The following ADGRE2 variants were observed in gnomAD, a reference collection of about 807,000 sequenced individuals.
The protein encoded by ADGRE2 is adhesion G protein-coupled receptor E2, also known as CD97 antigen.
ADGRE2 carries 83 observed loss-of-function variants against 100.8 expected under a neutral mutation model. The observed-to-expected ratio is 0.82, with a 90% confidence interval of 0.69 to 0.99. ADGRE2 has a LOEUF of 0.99. Among genes scored for constraint, ADGRE2 ranks in the 50% least tolerant of loss-of-function variants. The pLI, the probability that ADGRE2 is intolerant of heterozygous loss-of-function variation, is 0.00. For synonymous variants in ADGRE2, 355 were observed against 413.0 expected (o/e 0.86, Z 1.70); for missense variants, 814 against 1,035.7 (o/e 0.79, Z 2.94).
Position 14,778,343 on chromosome 19 carries a change from A to G in ADGRE2, c.-258T>C. The G allele has an allele frequency of 4.9e-6, 1 of 203,462 alleles. No homozygotes were observed. Among genetic ancestry groups the G allele is most frequent in the Non-Finnish European group, 8.7e-6 (1 of 114,760 alleles). The allele number at this position is 203,462 out of a possible 1,614,324, so 12.6% of individuals were successfully genotyped here. A position where few individuals can be genotyped will look rare whatever the true frequency, so the allele number is the denominator to read the frequency against. On this transcript the variant is annotated 5_prime_UTR_variant, in exon 1 of 21. Transcript: ENST00000315576. ...AGAATCACCCGAGCTGGGGAGTTTG[A>G]GGCTGCGGTGAGCTAAGATGGTGCC...
In ADGRE2 at chr19:14,773,965, T is replaced by A; in HGVS notation, c.172A>T (p.Ile58Phe). 6.2e-7 allele frequency: 1 copy of A among 1,614,074 alleles called. No homozygotes were observed. Among genetic ancestry groups the A allele is most frequent in the Non-Finnish European group, 8.5e-7 (1 of 1,180,022 alleles). Residue 58 changes from isoleucine (I) to phenylalanine (F), a missense_variant, in exon 4 of 21, where the codon ATC becomes TTC. This residue lies in a region of ADGRE2 where 143 missense variants were observed against 160.3 expected (regional missense o/e 0.89). Transcript: ENST00000315576. ...TCACAAGTCTCCATGGGGGTGGTGA[T>A]GATCTCAGAAAAAGAGCTGAACCCT... The part of the protein sequence containing the change: ...NPGFSSFSEI[I>F]TTPMETCDDI...
At chr19:14,766,820 C>T (rs989305532) in intron 6 of ADGRE2, among the ~76,000 whole-genome samples, 158 bp downstream of exon 6, 8 of 152,212 alleles carry the variant, frequency 5.3e-5, no homozygotes, top group Admixed American at 2.6e-4. Context: ...GTGGCGAGTC[C>T]TTCCTGGGAG....
chr19:14,741,841 TG>T, intron 20 of ADGRE2: 1 of 390,896 alleles, frequency 2.6e-6, no homozygotes, highest in East Asian at 3.6e-5. Flanking sequence ...ATCAGTGAAA[TG>T]GGGTTAGAAT....
At chr19:14,771,621 C>CTTAT (rs369899556) in intron 5 of ADGRE2, among the ~76,000 whole-genome samples, 15,324 of 143,440 alleles carry the variant, frequency 0.11, 1,179 homozygotes, top group African/African-American at 0.21. Flanking sequence ...GCATCCATTG[C>CTTAT]TTATTTATTT....
intron 7 of ADGRE2, 190 bp from the exon 8 acceptor site, chr19:14,765,994 G>T: frequency 2.6e-6 from 2 of 762,418 alleles, no homozygotes; most frequent in Non-Finnish European, 4.3e-6. Flanking sequence ...TATGAATATG[G>T]TGAAACGCCT....
chr19:14,765,754 A>G lies in ADGRE2; in HGVS notation c.685T>C (p.Cys229Arg), dbSNP rs973129717. The change falls in exon 8 of 21, where the codon TGC becomes CGC. Residue 229 changes from cysteine to arginine, a missense_variant. By Grantham distance (180) the Cys-to-Arg change is radical (BLOSUM62 -3). Transcript: ENST00000315576. ...CTGTATGAACCCACGGTGTTGAAGC[A>G]GACGGTGGAGCTGTCACACTGATGC... ...GQHQCDSSTV[C>R]FNTVGSYSCR... The G allele has an allele frequency of 1.2e-6, 2 of 1,613,306 alleles. No homozygotes were observed. Among genetic ancestry groups the G allele is most frequent in the Non-Finnish European group, 1.7e-6 (2 of 1,179,284 alleles).
chr19:14,746,753 G>T, intron 17 of ADGRE2, 143 bp downstream of exon 17: 1 of 670,998 alleles, frequency 1.5e-6, no homozygotes. Context: ...TGTTGAGTTT[G>T]AAGATTCAAG....
At chr19:14,750,549 TTTCAA>T (rs1473412883) in intron 16 of ADGRE2, among the ~76,000 whole-genome samples, 1 of 148,506 alleles carries the variant, frequency 6.7e-6, no homozygotes, top group Non-Finnish European at 1.5e-5. Context: ...GTCCTGGAGG[TTTCAA>T]CCAGTGCAAT....
At chr19:14,736,461 A>T (rs2147071731) in intron 20 of ADGRE2, among the ~76,000 whole-genome samples, 1 of 152,044 alleles carries the variant, frequency 6.6e-6, no homozygotes, top group South Asian at 2.1e-4. Context: ...GGGTTTCACC[A>T]CGTAGGCCAG....
rs564713952 is a variant in ADGRE2 at position 14,743,767 on chromosome 19, G to A, written c.2201C>T (p.Ala734Val). 1.1e-5 allele frequency: 18 copies of A among 1,614,122 alleles called. No individual in the cohort carries two copies. Among genetic ancestry groups the A allele is most frequent in the African/African-American group, 6.7e-5 (5 of 75,038 alleles). ...LRNTRMLAFK[A>V]TAQLFILGCT... ...GCCCAGGATGAACAGCTGAGCTGTC[G>A]CTTTAAATGCCAGCATCCTGGATTG... is the stretch of plus-strand genomic sequence containing the variant. The change falls in exon 19 of 21, where the codon GCG becomes GTG. Residue 734 changes from alanine (A) to valine (V), a missense_variant. Ala to Val is a moderately conservative substitution (Grantham distance 64). This residue lies in a region of ADGRE2 where 569 missense variants were observed against 692.7 expected (regional missense o/e 0.82). Coordinates refer to ENST00000315576, the MANE Select transcript of ADGRE2 (RefSeq NM_013447.4).
chr19:14,729,947 C>T (rs2042657200), downstream of ADGRE2, among the ~76,000 whole-genome samples: 1 of 152,172 alleles, frequency 6.6e-6, no homozygotes, highest in Non-Finnish European at 1.5e-5. Flanking sequence ...CTGGAAAGGG[C>T]AGAAATCCTC....
intron 7 of ADGRE2, 88 bp downstream of exon 7, chr19:14,766,147 G>C: frequency 6.3e-7 from 1 of 1,598,998 alleles, no homozygotes; most frequent in Non-Finnish European, 8.5e-7. Context: ...CGCCTCCAGC[G>C]CTCATTCTGC....
intron 20 of ADGRE2, among the ~76,000 whole-genome samples, chr19:14,738,507 A>G (rs979513342): frequency 6.6e-6 from 1 of 152,008 alleles, no homozygotes; most frequent in Non-Finnish European, 1.5e-5. Context: ...GCCTCCCGGT[A>G]GCTGGGACTA....
chr19:14,724,952 T>G, the ADGRE2 span, among the ~76,000 whole-genome samples: 5 of 152,206 alleles, frequency 3.3e-5, no homozygotes, highest in African/African-American at 1.2e-4. Context: ...ATGTACTGTG[T>G]TAGTCTGTTT....
chr19:14,774,154 C>A (rs1258561680), intron 3 of ADGRE2, 100 bp from the exon 4 acceptor site: 1 of 1,515,514 alleles, frequency 6.6e-7, no homozygotes, highest in Non-Finnish European at 9.1e-7. Flanking sequence ...TTCCCGTGCA[C>A]GAGCCCTCTC....
chr19:14,773,644 T>C (rs1568628070), intron 4 of ADGRE2, among the ~76,000 whole-genome samples: 1 of 152,198 alleles, frequency 6.6e-6, no homozygotes, highest in South Asian at 2.1e-4. Flanking sequence ...TCTGAGTAGC[T>C]GGGACTCCAG....
chr19:14,760,977 G>C (rs1049133565), intron 11 of ADGRE2, among the ~76,000 whole-genome samples: 1 of 152,134 alleles, frequency 6.6e-6, no homozygotes, highest in Non-Finnish European at 1.5e-5. Context: ...AATCAGAAAA[G>C]CTTAAATCTA....
At chr19:14,746,431 G>A (rs556328441) in intron 17 of ADGRE2, 108 bp from the exon 18 acceptor site, 136 of 679,482 alleles carry the variant, frequency 2.0e-4, no homozygotes, top group African/African-American at 1.8e-3. Context: ...GGAGTGTGGC[G>A]GTGCAATCTC....
At chr19:14,770,669 C>CTTTTTTTT (rs775214778) in intron 5 of ADGRE2, among the ~76,000 whole-genome samples, 52 of 84,994 alleles carry the variant, frequency 6.1e-4, no homozygotes, top group Non-Finnish European at 8.7e-4. Context: ...TCTTTCTTTT[C>CTTTTTTTT]TTTTTTTTTT....
Sources: allele counts gnomAD v4.1 joint callset (sites outside exome capture counted in the v4.1 genomes callset), GRCh38; gene constraint gnomAD v4.1.1; regional missense constraint gnomAD v4.1.1; transcripts MANE v1.5; gene names NCBI Gene and HGNC (gene_info 2026-07-23, HGNC 2026-07-21).